KCNH8: variants seen among roughly 807,000 people sequenced by gnomAD.
KCNH8 encodes potassium voltage-gated channel subfamily H member 8.
A neutral mutation model predicts 103.6 loss-of-function variants in KCNH8; 70 were observed. The ratio of observed to expected loss-of-function variants is 0.68; its 90% CI spans 0.56 to 0.82. The LOEUF (loss-of-function observed/expected upper bound fraction) is 0.82. Among genes scored for constraint, KCNH8 ranks in the 40% least tolerant of loss-of-function variants. The pLI, the probability that KCNH8 is intolerant of heterozygous loss-of-function variation, is 0.00. For missense variants in KCNH8, 1,217 were observed against 1,329.9 expected (o/e 0.92, Z 1.32); for synonymous variants, 498 against 489.4 (o/e 1.02, Z -0.23).
At chr3:19,444,474 G>T (rs1283969032) in intron 8 of KCNH8, among the ~76,000 whole-genome samples, 1 of 151,496 alleles carries the variant, frequency 6.6e-6, no homozygotes, top group Non-Finnish European at 1.5e-5. Context: ...GACACAAAAC[G>T]CCCTAGCCTT....
chr3:19,513,200 C>T lies in KCNH8; in HGVS notation c.2310C>T (p.Ser770=). The stretch of plus-strand genomic sequence containing the variant: ...CCTTTCACTCGCCTATCAGAGTCTC[C>T]AGGTCAAATTCCCCCAAAACCAAGC... ...TVPFHSPIRV[S]RSNSPKTKQE... Residue 770 remains serine, a synonymous_variant, in exon 13 of 16, where the codon TCC becomes TCT. Transcript: ENST00000328405. 1 of 1,613,924 alleles carries T rather than the reference C, an allele frequency of 6.2e-7. No homozygotes were observed. The highest frequency in any genetic ancestry group is 8.5e-7 in the Non-Finnish European group (1 of 1,179,946).
intron 5 of KCNH8, among the ~76,000 whole-genome samples, chr3:19,353,737 A>T (rs1383341325): frequency 6.6e-6 from 1 of 152,152 alleles, no homozygotes; most frequent in Non-Finnish European, 1.5e-5. Flanking sequence ...CGTATCTCAA[A>T]ATAATAAGCG....
At chr3:19,493,974 T>G (rs1225631200) in intron 11 of KCNH8, among the ~76,000 whole-genome samples, 1 of 152,152 alleles carries the variant, frequency 6.6e-6, no homozygotes, top group Non-Finnish European at 1.5e-5. Flanking sequence ...TAGTATCCAA[T>G]AGATATTTTT....
In KCNH8 at chr3:19,533,846, A is replaced by G. The variant is rs984449609; in HGVS notation, c.3071A>G (p.Gln1024Arg). The G allele has an allele frequency of 1.2e-6, 2 of 1,614,076 alleles. No homozygotes were observed. Among genetic ancestry groups the G allele is most frequent in the Non-Finnish European group, 1.7e-6 (2 of 1,180,026 alleles). Reference sequence around the variant, plus strand: ...TCAGATTCTACGTTGACGCCTCTGCAGTCCATTTCAGCAACTCTCTCATCT... The same window carrying G: ...TCAGATTCTACGTTGACGCCTCTGCGGTCCATTTCAGCAACTCTCTCATCT... ...PHSDSTLTPL[Q>R]SISATLSSSV... The change falls in exon 16 of 16, where the codon CAG becomes CGG. Residue 1024 changes from glutamine (Q) to arginine (R), a missense_variant. By Grantham distance (43) the Gln-to-Arg change is conservative (BLOSUM62 1). Coordinates refer to ENST00000328405, the MANE Select transcript of KCNH8 (RefSeq NM_144633.3).
In KCNH8 at chr3:19,534,396, A is replaced by G. The variant is rs2069231235; in HGVS notation, c.*297A>G. On this transcript the variant is annotated 3_prime_UTR_variant, in exon 16 of 16. Transcript: ENST00000328405. ...CTGAGCAGCTAGAAGTCCTAGACAA[A>G]GAACTTGTGGATGACTTTTGTCCCA... is the stretch of plus-strand genomic sequence containing the variant. 1 of 378,984 alleles carries G rather than the reference A, an allele frequency of 2.6e-6. No individual in the cohort carries two copies. The allele number at this position is 378,984 out of a possible 1,614,324, so 23.5% of individuals were successfully genotyped here.
intron 2 of KCNH8, among the ~76,000 whole-genome samples, chr3:19,255,928 C>A (rs1306467834): frequency 1.3e-5 from 2 of 152,228 alleles, no homozygotes; most frequent in African/African-American, 4.8e-5. Flanking sequence ...TTTACAGATC[C>A]ACTTTCCACT....
At chr3:19,230,732 A>T (rs536315718) in intron 1 of KCNH8, among the ~76,000 whole-genome samples, 3,571 of 152,298 alleles carry the variant, frequency 0.023, 131 homozygotes, top group African/African-American at 0.08. Flanking sequence ...CACTTAAAAA[A>T]CTTACAAACT....
At chr3:19,474,752 G>A (rs919995156) in intron 11 of KCNH8, among the ~76,000 whole-genome samples, 20 of 152,270 alleles carry the variant, frequency 1.3e-4, no homozygotes, top group Middle Eastern at 3.4e-3. Flanking sequence ...CTTTGAAAGC[G>A]GAACATATGA....
intron 5 of KCNH8, among the ~76,000 whole-genome samples, chr3:19,380,121 G>C (rs1221239222): frequency 6.6e-6 from 1 of 152,070 alleles, no homozygotes; most frequent in African/African-American, 2.4e-5. Flanking sequence ...GCTGCCTCTG[G>C]AATATCACTG....
At chr3:19,203,289 T>C (rs1194404694) in intron 1 of KCNH8, among the ~76,000 whole-genome samples, 1 of 152,068 alleles carries the variant, frequency 6.6e-6, no homozygotes, top group Non-Finnish European at 1.5e-5. Flanking sequence ...AGCACTTAAA[T>C]TTGGCTAAAG....
chr3:19,180,143 A>C (rs1448980231), intron 1 of KCNH8, among the ~76,000 whole-genome samples: 1 of 152,110 alleles, frequency 6.6e-6, no homozygotes, highest in Non-Finnish European at 1.5e-5. Context: ...AAAATATGCT[A>C]GGATAGCCTA....
intron 1 of KCNH8, among the ~76,000 whole-genome samples, chr3:19,185,974 A>G (rs1428053107): frequency 6.6e-6 from 1 of 151,988 alleles, no homozygotes; most frequent in Non-Finnish European, 1.5e-5. Context: ...ATGTAAGTTA[A>G]TATTTTACCA....
At chr3:19,332,510 C>G (rs765098852) in intron 3 of KCNH8, among the ~76,000 whole-genome samples, 9 of 152,138 alleles carry the variant, frequency 5.9e-5, no homozygotes, top group Non-Finnish European at 1.2e-4. Context: ...TGAGGACATG[C>G]TTTCATTTCT....
intron 1 of KCNH8, among the ~76,000 whole-genome samples, chr3:19,229,233 C>A (rs907501757): frequency 3.3e-5 from 5 of 152,132 alleles, no homozygotes; most frequent in Non-Finnish European, 5.9e-5. Context: ...TTGAAGATGC[C>A]CTCTTCTCAC....
chr3:19,156,987 A>ATTTTTTT (rs1559400834), intron 1 of KCNH8, among the ~76,000 whole-genome samples: 1 of 147,140 alleles, frequency 6.8e-6, no homozygotes, highest in African/African-American at 2.7e-5. Context: ...TTTTTTAAAA[A>ATTTTTTT]AAAGGTTTTC....
intron 3 of KCNH8, among the ~76,000 whole-genome samples, chr3:19,314,260 A>G (rs1191615195): frequency 1.3e-5 from 2 of 151,974 alleles, no homozygotes; most frequent in African/African-American, 4.8e-5. Flanking sequence ...TTTATGGACC[A>G]TATAAAGTCT....
rs2066496544 is a variant in KCNH8 at position 19,395,162 on chromosome 3, A to G, written c.1028A>G (p.Gln343Arg). Residue 343 changes from glutamine to arginine, a missense_variant, in exon 7 of 16, where the codon CAG becomes CGG. Gln to Arg is a conservative substitution (Grantham distance 43). Coordinates refer to ENST00000328405, the MANE Select transcript of KCNH8 (RefSeq NM_144633.3). The stretch of plus-strand genomic sequence containing the variant: ...CTCTTGCGTCTTTTGCGTCTGCTGC[A>G]GAAGTTAGACCGCTATTCCCAACAC... The part of the protein sequence containing the change: ...VRLLRLLRLL[Q>R]KLDRYSQHST... 3 of 1,611,472 alleles carry G rather than the reference A, an allele frequency of 1.9e-6. No homozygotes were observed. The highest frequency in any genetic ancestry group is 2.5e-6 in the Non-Finnish European group (3 of 1,178,722).
At chr3:19,185,864 A>C (rs536751622) in intron 1 of KCNH8, among the ~76,000 whole-genome samples, 1 of 151,986 alleles carries the variant, frequency 6.6e-6, no homozygotes, top group Non-Finnish European at 1.5e-5. Context: ...TGTTTAAAAC[A>C]TTCTTTAAAG....
Position 19,533,721 on chromosome 3 carries a change from C to G in KCNH8, c.2946C>G (p.Asp982Glu). The stretch of plus-strand genomic sequence containing the variant: ...GAGCTCATGAGCAAAATCCTGCAGA[C>G]AGTGAACTTTATCATTCTCCAAGCC... ...RTGAHEQNPA[D>E]SELYHSPSLD... Residue 982 changes from aspartate to glutamate, a missense_variant, in exon 16 of 16, where the codon GAC becomes GAG. Transcript: ENST00000328405. 1.2e-6 allele frequency: 2 copies of G among 1,614,174 alleles called. No individual in the cohort carries two copies. Among genetic ancestry groups the G allele is most frequent in the Non-Finnish European group, 8.5e-7 (1 of 1,180,008 alleles).
Sources: gnomAD v4.1 joint callset for allele counts (sites outside exome capture counted in the v4.1 genomes callset) on GRCh38, gnomAD v4.1.1 for gene constraint, MANE v1.5 for transcripts, NCBI Gene and HGNC (gene_info 2026-07-23, HGNC 2026-07-21) for gene names.